The following CMTR1 variants were observed in gnomAD, a reference collection of about 807,000 sequenced individuals.
The protein encoded by CMTR1 is cap-specific mRNA (nucleoside-2'-O-)-methyltransferase 1.
In CMTR1, 39 loss-of-function variants were observed where a neutral mutation model predicts 107.0. The ratio of observed to expected loss-of-function variants is 0.36; its 90% confidence interval spans 0.28 to 0.48. CMTR1 has a LOEUF of 0.48. Ranked by LOEUF, CMTR1 falls within the 20% of genes least tolerant of loss-of-function variation. CMTR1 has a pLI of 0.99. For missense variants in CMTR1, 672 were observed against 1,064.9 expected (o/e 0.63, Z 5.14); for synonymous variants, 366 against 379.5 (o/e 0.96, Z 0.41).
chr6:37,459,600 C>G lies in CMTR1; in HGVS notation c.1011C>G (p.Thr337=). ...GGATTGATGGAGATGGAGATATCAC[C>G]CGCCCAGAGAACATCTCTGCTTTTC... ...EGGIDGDGDI[T]RPENISAFRN... is the part of the protein sequence containing the mutation. The change falls in exon 10 of 24, where the codon ACC becomes ACG. Residue 337 remains threonine, a synonymous_variant. Coordinates refer to ENST00000373451, the MANE Select transcript of CMTR1 (RefSeq NM_015050.3). 6.2e-7 allele frequency: 1 copy of G among 1,614,162 alleles called. No individual in the cohort carries two copies. Among genetic ancestry groups the G allele is most frequent in the African/African-American group, 1.3e-5 (1 of 75,032 alleles).
In CMTR1 at chr6:37,473,461, T is replaced by C. The variant is rs200430023; in HGVS notation, c.1690-9T>C. On this transcript the variant is annotated splice_polypyrimidine_tract_variant and intron_variant, in intron 16 of 23. Transcript: ENST00000373451. The stretch of plus-strand genomic sequence containing the variant: ...ACCCGGCAGTGTTTTCTCTGACTCG[T>C]GGCTGCAGGGCACTGAGATTGACAT... The C allele has an allele frequency of 1.2e-4, 191 of 1,611,880 alleles. No individual in the cohort carries two copies. Among genetic ancestry groups the C allele is most frequent in the Non-Finnish European group, 1.5e-4 (176 of 1,178,834 alleles).
chr6:37,432,888 C>T (rs1409916262), upstream of CMTR1, among the ~76,000 whole-genome samples: 1 of 152,198 alleles, frequency 6.6e-6, no homozygotes, highest in Non-Finnish European at 1.5e-5. Context: ...AAGAACACTG[C>T]GTTCGCTCAA....
rs1213991351 is a variant in CMTR1, at chr6:37,458,573, T to C, written c.778-39T>C. ...CTTCCTGTTGCCCATTGAGCTGTCT[T>C]GTTTTCCTTCCTCTCCTGTCCTCCA... On this transcript the variant is annotated intron_variant, in intron 8 of 23. Coordinates refer to ENST00000373451, the MANE Select transcript of CMTR1 (RefSeq NM_015050.3). The surrounding 1 kb of genome is among the most constrained non-coding windows in gnomAD (Gnocchi z 4.7). The C allele has an allele frequency of 5.6e-6, 9 of 1,604,114 alleles. No individual in the cohort carries two copies. The South Asian group carries it at 8.9e-5, about 16-fold the overall frequency.
Position 37,458,594 on chromosome 6 carries a change from C to A in CMTR1, c.778-18C>A. On this transcript the variant is annotated intron_variant, in intron 8 of 23. Transcript: ENST00000373451. The surrounding 1 kb of genome is among the most constrained non-coding windows in gnomAD (Gnocchi z 4.7). ...GTCTTGTTTTCCTTCCTCTCCTGTC[C>A]TCCACTTGCCTTTGCAGAAGCCACT... The A allele has an allele frequency of 6.2e-7, 1 of 1,611,816 alleles. No homozygotes were observed. The highest frequency in any genetic ancestry group is 1.1e-5 in the South Asian group (1 of 90,800).
the CMTR1 span, among the ~76,000 whole-genome samples, chr6:37,425,843 C>T: frequency 6.6e-6 from 1 of 152,104 alleles, no homozygotes; most frequent in Non-Finnish European, 1.5e-5. Context: ...TTATATTCAT[C>T]AATTTTGGGA....
At position 37,472,954 on chromosome 6, in the gene CMTR1, A is replaced by G. The variant is rs986940769; in HGVS notation, c.1689+467A>G. ...AGAGTTCTTTTGCCCTGTTTCTTCT[A>G]CCACTCAACCTCCAGCTTTTACTTG... is the stretch of plus-strand genomic sequence containing the variant. On this transcript the variant is annotated intron_variant, in intron 16 of 23. Coordinates refer to ENST00000373451, the MANE Select transcript of CMTR1 (RefSeq NM_015050.3). This position sits in a 1 kb window ranked among gnomAD's most constrained non-coding sequence, Gnocchi z 4.1. Among the ~76,000 whole-genome samples the G allele has an allele frequency of 9.2e-5, 14 of 152,120 alleles. No individual in the cohort carries two copies. Among genetic ancestry groups the G allele is most frequent in the African/African-American group, 3.1e-4 (13 of 41,422 alleles).
In CMTR1 at chr6:37,444,058, G is replaced by A. The variant is rs1445684658; in HGVS notation, c.193G>A (p.Asp65Asn). Residue 65 changes from aspartate (D) to asparagine (N), a missense_variant, in exon 3 of 24, where the codon GAC becomes AAC. Asp to Asn is a conservative substitution (Grantham distance 23). Around this residue, in one of 2 missense-constraint regions of CMTR1, gnomAD observed 89 missense variants for 96.6 expected, o/e 0.92. Coordinates refer to ENST00000373451, the MANE Select transcript of CMTR1 (RefSeq NM_015050.3). ...SETEGKQHSS[D>N]SFDDAFKADS... ...GACCGAGGGGAAACAACACAGCTCTGACTCTTTTGACGATGCATTCAAAGC... is the reference window on the plus strand; with the variant it reads ...GACCGAGGGGAAACAACACAGCTCTAACTCTTTTGACGATGCATTCAAAGC... 1.2e-6 allele frequency: 2 copies of A among 1,614,180 alleles called. No homozygotes were observed. The highest frequency in any genetic ancestry group is 1.7e-5 in the Admixed American group (1 of 60,028).
the CMTR1 span, among the ~76,000 whole-genome samples, chr6:37,426,936 G>A: frequency 6.6e-6 from 1 of 152,146 alleles, no homozygotes; most frequent in South Asian, 2.1e-4. Context: ...AACAAAAATG[G>A]CTTTCCCTGC....
At chr6:37,443,890 T>C (rs1367757817) in intron 2 of CMTR1, 109 bp from the exon 3 acceptor site, 3 of 1,202,882 alleles carry the variant, frequency 2.5e-6, no homozygotes, top group Non-Finnish European at 3.4e-6. Context: ...TAATGAACTT[T>C]ATATGTGCAT....
chr6:37,475,653 C>T, intron 19 of CMTR1: 1 of 575,302 alleles, frequency 1.7e-6, no homozygotes. Flanking sequence ...CATTTTGCCA[C>T]AGCTGCTCAG....
At chr6:37,449,807 G>A (rs1771893070) in intron 4 of CMTR1, among the ~76,000 whole-genome samples, 1 of 152,216 alleles carries the variant, frequency 6.6e-6, no homozygotes, top group Non-Finnish European at 1.5e-5. Context: ...ATCAGGAGAT[G>A]AGACTCATTG....
intron 8 of CMTR1, among the ~76,000 whole-genome samples, chr6:37,454,133 T>G (rs1761242411): frequency 6.6e-6 from 1 of 152,180 alleles, no homozygotes; most frequent in South Asian, 2.1e-4. Flanking sequence ...TTCAAAGCAT[T>G]TTTACCCGGT....
Position 37,471,036 on chromosome 6 carries a change from G to C in CMTR1, c.1521G>C (p.Gln507His). 4 of 1,606,502 alleles carry C rather than the reference G, an allele frequency of 2.5e-6. No homozygotes were observed. The highest frequency in any genetic ancestry group is 3.4e-6 in the Non-Finnish European group (4 of 1,177,118). Residue 507 changes from glutamine (Q) to histidine (H), a missense_variant, in exon 14 of 24, where the codon CAG (glutamine) becomes CAC (histidine). This residue lies in a region of CMTR1 where 583 missense variants were observed against 968.4 expected (regional missense o/e 0.60). Coordinates refer to ENST00000373451, the MANE Select transcript of CMTR1 (RefSeq NM_015050.3). The part of the protein sequence containing the change: ...IRSNESHCSL[Q>H]IKALAKIHAF... ...TTTCTTCTAGCCACTGTAGTCTGCA[G>C]ATCAAAGCTCTGGCGAAAATCCATG... is the stretch of plus-strand genomic sequence containing the variant.
At chr6:37,477,540 T>G in intron 20 of CMTR1, 52 bp from the exon 21 acceptor site, 470 of 1,502,342 alleles carry the variant, frequency 3.1e-4, no homozygotes, top group Non-Finnish European at 4.0e-4. Context: ...GCCTCCTGGA[T>G]GAGAATGTCC....
intron 3 of CMTR1, among the ~76,000 whole-genome samples, chr6:37,445,846 C>T (rs1428749051): frequency 2.6e-5 from 4 of 152,126 alleles, no homozygotes; most frequent in African/African-American, 9.7e-5. Flanking sequence ...TGGGCTCCTG[C>T]CAAGCCACTT....
At chr6:37,437,485 C>T (rs1969034) in intron 2 of CMTR1, among the ~76,000 whole-genome samples, 10,252 of 147,828 alleles carry the variant, frequency 0.069, 1,192 homozygotes, top group African/African-American at 0.24. Context: ...CGAGATTGTG[C>T]CACTGCACTA....
chr6:37,462,287 CTGCCTCCTTCTTCCAAGCCTTAT>C (rs2113881386), intron 12 of CMTR1, among the ~76,000 whole-genome samples, 185 bp downstream of exon 12: 1 of 152,294 alleles, frequency 6.6e-6, no homozygotes, highest in Non-Finnish European at 1.5e-5. Context: ...AGTTCAGCCT[CTGCCTCCTTCTTCCAAGCCTTAT>C]GCTCCATGCT....
chr6:37,479,059 G>A (rs1289452688), intron 22 of CMTR1, 88 bp from the exon 23 acceptor site: 1 of 880,732 alleles, frequency 1.1e-6, no homozygotes, highest in Non-Finnish European at 1.8e-6. Flanking sequence ...GCAGGAATAG[G>A]ACCACCGGGA....
intron 8 of CMTR1, among the ~76,000 whole-genome samples, chr6:37,454,454 T>C (rs1218824562): frequency 6.6e-6 from 1 of 152,206 alleles, no homozygotes; most frequent in African/African-American, 2.4e-5. Context: ...TAGGTTGATA[T>C]AATGTTGATT....
Sources: gnomAD v4.1 joint callset for allele counts (sites outside exome capture counted in the v4.1 genomes callset) on GRCh38, gnomAD v4.1.1 for gene constraint, gnomAD v4.1.1 regional missense constraint, Gnocchi (gnomAD v3.1) non-coding constraint, MANE v1.5 for transcripts, NCBI Gene and HGNC (gene_info 2026-07-23, HGNC 2026-07-21) for gene names.